Variants in PRRX2 observed in about 807,000 individuals in gnomAD.
PRRX2 encodes the protein paired related homeobox 2.
In PRRX2, 11 loss-of-function variants were observed where a neutral mutation model predicts 18.0. The ratio of observed to expected loss-of-function variants is 0.61; its 90% CI spans 0.39 to 1.01. The LOEUF (loss-of-function observed/expected upper bound fraction) is 1.01. Among genes scored for constraint, PRRX2 ranks in the 50% least tolerant of loss-of-function variants. The pLI, the probability that PRRX2 is intolerant of heterozygous loss-of-function variation, is 0.01. For missense variants in PRRX2, 387 were observed against 351.0 expected, an observed-to-expected ratio of 1.10 and a Z score of -0.82; for synonymous variants, 177 against 154.8, an observed-to-expected ratio of 1.14 and a Z score of -1.06.
intron 1 of PRRX2, among the ~76,000 whole-genome samples, chr9:129,678,271 C>T (rs184424704): frequency 9.9e-5 from 15 of 152,122 alleles, no homozygotes; most frequent in East Asian, 3.9e-4. Context: ...GCCTAGGGGG[C>T]GGCTTTTTCA....
intron 1 of PRRX2, among the ~76,000 whole-genome samples, chr9:129,686,932 G>A (rs763739843): frequency 6.6e-6 from 1 of 152,238 alleles, no homozygotes; most frequent in Non-Finnish European, 1.5e-5. Flanking sequence ...AGCCCGGGTT[G>A]GGGGCAGGCC....
At chr9:129,690,118 C>T (rs1204335217) in intron 1 of PRRX2, among the ~76,000 whole-genome samples, 2 of 152,082 alleles carry the variant, frequency 1.3e-5, no homozygotes, top group Non-Finnish European at 2.9e-5. Flanking sequence ...CAGCTAGGGC[C>T]GAGGCCCTGT....
chr9:129,701,944 C>CA (rs374995984), intron 1 of PRRX2, among the ~76,000 whole-genome samples: 2 of 151,966 alleles, frequency 1.3e-5, no homozygotes, highest in African/African-American at 4.8e-5. Flanking sequence ...ACTAAAAATA[C>CA]AAAAAAATTA....
At chr9:129,691,639 G>A (rs2130919047) in intron 1 of PRRX2, among the ~76,000 whole-genome samples, 1 of 151,192 alleles carries the variant, frequency 6.6e-6, no homozygotes, top group East Asian at 1.9e-4. Context: ...AGAGCCAGTT[G>A]TGAAATTTAT....
intron 1 of PRRX2, among the ~76,000 whole-genome samples, chr9:129,699,388 C>T (rs1024132211): frequency 6.6e-6 from 1 of 152,034 alleles, no homozygotes; most frequent in Non-Finnish European, 1.5e-5. Flanking sequence ...CACGCCATTG[C>T]ACTGCAGCCT....
At chr9:129,707,209 T>C (rs1357447844) in intron 1 of PRRX2, among the ~76,000 whole-genome samples, 1 of 152,062 alleles carries the variant, frequency 6.6e-6, no homozygotes, top group Non-Finnish European at 1.5e-5. Context: ...TGAGCTGAGA[T>C]GGCGCCACTG....
chr9:129,674,104 C>G (rs1832135600), intron 1 of PRRX2, among the ~76,000 whole-genome samples: 1 of 152,102 alleles, frequency 6.6e-6, no homozygotes, highest in African/African-American at 2.4e-5. Flanking sequence ...CGCACCAGAT[C>G]CTGGAAACAG....
chr9:129,707,164 G>A (rs1832567336), intron 1 of PRRX2, among the ~76,000 whole-genome samples: 1 of 152,168 alleles, frequency 6.6e-6, no homozygotes, highest in South Asian at 2.1e-4. Context: ...GCTGAGGCAG[G>A]AGAATCGCTT....
intron 1 of PRRX2, among the ~76,000 whole-genome samples, chr9:129,701,376 G>T (rs1417354810): frequency 1.3e-5 from 2 of 152,254 alleles, no homozygotes; most frequent in African/African-American, 2.4e-5. Context: ...TGGGTGCCAG[G>T]TATTGTCGAG....
In PRRX2 at chr9:129,675,840, C is replaced by T. The variant is rs1026468178; in HGVS notation, c.259+9714C>T. ...CGCAGCCTCTCTCGCCGCCAGAGCT[C>T]TGCGCGGGCCTCCCGTATAAAACCC... On this transcript the variant is annotated intron_variant, in intron 1 of 3. Coordinates refer to ENST00000372469, the MANE Select transcript of PRRX2 (RefSeq NM_016307.4). The surrounding 1 kb of genome is among the most constrained non-coding windows in gnomAD (Gnocchi z 4.4). Among the ~76,000 whole-genome samples the T allele has an allele frequency of 6.6e-6, 1 of 152,240 alleles. No homozygotes were observed. Among genetic ancestry groups the T allele is most frequent in the African/African-American group, 2.4e-5 (1 of 41,462 alleles).
chr9:129,684,459 C>CACACACACACACACACA (rs1491097967), intron 1 of PRRX2, among the ~76,000 whole-genome samples: 1 of 134,254 alleles, frequency 7.4e-6, no homozygotes, highest in Non-Finnish European at 1.6e-5. Context: ...CACACACACA[C>CACACACACACACACACA]CCAACAGAAA....
intron 1 of PRRX2, among the ~76,000 whole-genome samples, chr9:129,700,460 G>T (rs2130924216): frequency 6.6e-6 from 1 of 151,506 alleles, no homozygotes; most frequent in Non-Finnish European, 1.5e-5. Flanking sequence ...CTCCTGAGTA[G>T]CTGGGAGTAC....
chr9:129,686,268 T>C (rs938904799), intron 1 of PRRX2, among the ~76,000 whole-genome samples: 5 of 152,150 alleles, frequency 3.3e-5, no homozygotes, highest in African/African-American at 1.2e-4. Context: ...GGGAGTGAGA[T>C]GCCTCAGGAG....
intron 1 of PRRX2, among the ~76,000 whole-genome samples, chr9:129,701,825 C>T (rs1435395472): frequency 6.6e-6 from 1 of 152,166 alleles, no homozygotes; most frequent in Admixed American, 6.5e-5. Flanking sequence ...TTAGGCCAGG[C>T]GCAGTGGCTC....
chr9:129,706,408 A>G lies in PRRX2; in HGVS notation c.260-12823A>G, dbSNP rs547601518. 2.3e-3 allele frequency among the ~76,000 whole-genome samples: 349 copies of G among 152,238 alleles called. 2 individuals carry two copies. The highest frequency in any genetic ancestry group is 3.2e-3 in the Non-Finnish European group (221 of 68,018). ...GTAAAACCCTGTCTCTACCAAAAAT[A>G]CAAAAGTTAACAGACGTGGTGGCAT... On this transcript the variant is annotated intron_variant, in intron 1 of 3. Coordinates refer to ENST00000372469, the MANE Select transcript of PRRX2 (RefSeq NM_016307.4).
rs547430531 is a variant in PRRX2 at position 129,709,849 on chromosome 9, ACAGGAGGGCG to A, written c.260-9381_260-9372del. On this transcript the variant is annotated intron_variant, in intron 1 of 3. Transcript: ENST00000372469. This position sits in a 1 kb window ranked among gnomAD's most constrained non-coding sequence, Gnocchi z 4.2. ...CCAGGGGAGGAACCTAGACCCCTGCACAGGAGGGCGGGCTCTGCAGGCTCACCCGGCCCTT... is the reference window on the plus strand; with the variant it reads ...CCAGGGGAGGAACCTAGACCCCTGCAGGCTCTGCAGGCTCACCCGGCCCTT... 3.3e-3 allele frequency among the ~76,000 whole-genome samples: 509 copies of A among 151,958 alleles called. 8 individuals are homozygous for A. The highest frequency in any genetic ancestry group is 0.022 in the Admixed American group (332 of 15,254).
chr9:129,696,153 C>T (rs538315498), intron 1 of PRRX2, among the ~76,000 whole-genome samples: 1 of 151,966 alleles, frequency 6.6e-6, no homozygotes, highest in African/African-American at 2.4e-5. Flanking sequence ...CCCACCTCCA[C>T]TCACCAACTG....
chr9:129,672,602 G>GT (rs1178040824), intron 1 of PRRX2, among the ~76,000 whole-genome samples: 2 of 152,224 alleles, frequency 1.3e-5, no homozygotes, highest in African/African-American at 4.8e-5. Flanking sequence ...CCCGGGGTTG[G>GT]GGGGTTTCTC....
rs1430394400 is a variant in PRRX2, at chr9:129,720,695, G to A, written c.547G>A (p.Ala183Thr). The A allele has an allele frequency of 9.9e-6, 16 of 1,612,888 alleles. No homozygotes were observed. In the East Asian group the frequency reaches 2.0e-4, roughly 20 times the overall value. Residue 183 changes from alanine to threonine, a missense_variant, in exon 3 of 4, where the codon GCC becomes ACC. Physicochemically the swap from Ala to Thr is moderately conservative, Grantham distance 58 (BLOSUM62 0). Transcript: ENST00000372469. ...GCTCAAGTCCTACAGCCAGGAGGCC[G>A]CCATCGAGCAGCCCGTGGCTCCCCG... ...SLLKSYSQEA[A>T]IEQPVAPRPT...
Sources: allele counts gnomAD v4.1 joint callset (sites outside exome capture counted in the v4.1 genomes callset), GRCh38; gene constraint gnomAD v4.1.1; non-coding constraint Gnocchi (gnomAD v3.1); transcripts MANE v1.5; gene names NCBI Gene and HGNC (gene_info 2026-07-23, HGNC 2026-07-21).